ZBTB38: variants seen among roughly 807,000 people sequenced by gnomAD.
ZBTB38 encodes zinc finger and BTB domain-containing protein 38.
A neutral mutation model predicts 76.8 loss-of-function variants in ZBTB38; 20 were observed. The observed-to-expected ratio is 0.26, with a 90% CI of 0.18 to 0.38. The LOEUF (loss-of-function observed/expected upper bound fraction) is 0.38, where lower values mean the gene tolerates loss of function less well. ZBTB38 is among the 10% of genes least tolerant of loss of function. The pLI is 1.00. For synonymous variants in ZBTB38, 504 were observed against 544.2 expected, an observed-to-expected ratio of 0.93 and a Z score of 1.03; for missense variants, 1,082 against 1,482.3, an observed-to-expected ratio of 0.73 and a Z score of 4.43.
At chr3:141,437,020 A>G (rs953290610) in intron 5 of ZBTB38, among the ~76,000 whole-genome samples, 1 of 152,118 alleles carries the variant, frequency 6.6e-6, no homozygotes, top group African/African-American at 2.4e-5. Context: ...AGATCATCCA[A>G]TGAGCTGGAT....
chr3:141,432,627 C>T (rs2077872185), intron 5 of ZBTB38, among the ~76,000 whole-genome samples: 1 of 152,122 alleles, frequency 6.6e-6, no homozygotes, highest in South Asian at 2.1e-4. Flanking sequence ...CATTAGTTAA[C>T]AATTTAAAGA....
In ZBTB38 at chr3:141,445,206, A is replaced by T. The variant is rs750268674; in HGVS notation, c.2818A>T (p.Arg940Trp). 7 of 1,614,210 alleles carry T rather than the reference A, an allele frequency of 4.3e-6. No individual in the cohort carries two copies. Among genetic ancestry groups the T allele is most frequent in the South Asian group, 1.1e-5 (1 of 91,082 alleles). The change falls in exon 6 of 6, where the codon AGG becomes TGG. Residue 940 changes from arginine to tryptophan, a missense_variant. Arg to Trp is a moderately radical substitution (Grantham distance 101, BLOSUM62 -3). Around this residue, in one of 8 missense-constraint regions of ZBTB38, gnomAD observed 471 missense variants for 581.0 expected, o/e 0.81. Coordinates refer to ENST00000321464, the MANE Select transcript of ZBTB38 (RefSeq NM_001376113.1). This position sits in a 1 kb window ranked among gnomAD's most constrained non-coding sequence, Gnocchi z 6.5. ...GAAAAAAATGAGGAAAGTCAACTGG[A>T]GGAAGGAGCACGGAAACAGGAGCCC... ...QLKKMRKVNWRKEHGNRSPSH... is the reference protein window; with the variant it reads ...QLKKMRKVNWWKEHGNRSPSH...
At chr3:141,399,242 G>T (rs980323538) in intron 4 of ZBTB38, among the ~76,000 whole-genome samples, 2 of 152,122 alleles carry the variant, frequency 1.3e-5, no homozygotes, top group East Asian at 3.9e-4. Context: ...ATTGGTCGGG[G>T]TTGGGTAGCC....
chr3:141,395,506 A>G (rs1165019994), intron 4 of ZBTB38, among the ~76,000 whole-genome samples: 1 of 152,226 alleles, frequency 6.6e-6, no homozygotes, highest in Admixed American at 6.5e-5. Context: ...GTGGGTCAAG[A>G]CAAAACTGAA....
chr3:141,335,455 G>T (rs561813404), intron 1 of ZBTB38, among the ~76,000 whole-genome samples: 36 of 152,296 alleles, frequency 2.4e-4, no homozygotes, highest in African/African-American at 8.7e-4. Context: ...GAAAGCCTGG[G>T]CTTAGATGGC....
At chr3:141,425,630 A>G (rs1419988751) in intron 5 of ZBTB38, among the ~76,000 whole-genome samples, 1 of 152,224 alleles carries the variant, frequency 6.6e-6, no homozygotes, top group East Asian at 1.9e-4. Flanking sequence ...CCTGTACCCC[A>G]CACGTGGCAG....
chr3:141,384,218 G>T (rs1162498697), intron 3 of ZBTB38, among the ~76,000 whole-genome samples: 14 of 152,224 alleles, frequency 9.2e-5, no homozygotes, highest in Admixed American at 9.2e-4. Flanking sequence ...CCCCACAGGG[G>T]GTTTGGAAAC....
chr3:141,426,269 C>G (rs2076362746), intron 5 of ZBTB38: 1 of 1,083,456 alleles, frequency 9.2e-7, no homozygotes, highest in East Asian at 5.9e-5. Flanking sequence ...CTGCCCAGAC[C>G]CTGTCTCCCA....
intron 5 of ZBTB38, among the ~76,000 whole-genome samples, chr3:141,425,598 C>G (rs761331268): frequency 2.6e-5 from 4 of 152,192 alleles, no homozygotes; most frequent in Non-Finnish European, 5.9e-5. Flanking sequence ...TGGGCTGCCT[C>G]TCAGCCTACC....
chr3:141,344,646 T>C (rs1037453552), intron 1 of ZBTB38, among the ~76,000 whole-genome samples: 5 of 152,212 alleles, frequency 3.3e-5, no homozygotes, highest in African/African-American at 9.7e-5. Flanking sequence ...AGTGCTGAGA[T>C]TACAGGCTTG....
At chr3:141,398,527 C>A (rs954646623) in intron 4 of ZBTB38, among the ~76,000 whole-genome samples, 1 of 152,056 alleles carries the variant, frequency 6.6e-6, no homozygotes, top group African/African-American at 2.4e-5. Context: ...ATTAACATAA[C>A]CTTTTAAAAC....
At chr3:141,396,735 A>G (rs1048192789) in intron 4 of ZBTB38, among the ~76,000 whole-genome samples, 1 of 152,254 alleles carries the variant, frequency 6.6e-6, no homozygotes, top group African/African-American at 2.4e-5. Context: ...GCATGAAAAC[A>G]ACATTTATCT....
chr3:141,442,636 T>A lies in ZBTB38; in HGVS notation c.248T>A (p.Val83Glu). 6.2e-7 allele frequency: 1 copy of A among 1,614,200 alleles called. No homozygotes were observed. The highest frequency in any genetic ancestry group is 8.5e-7 in the Non-Finnish European group (1 of 1,180,020). The change falls in exon 6 of 6, where the codon GTG becomes GAG. Residue 83 changes from valine (V) to glutamate (E), a missense_variant. Transcript: ENST00000321464. This position sits in a 1 kb window ranked among gnomAD's most constrained non-coding sequence, Gnocchi z 6.4. ...VLELDDLKAEVFTEILNYIYS... is the reference protein window; with the variant it reads ...VLELDDLKAEEFTEILNYIYS... ...GAGCTGGACGATCTCAAAGCTGAAG[T>A]GTTTACTGAAATACTTAATTATATC...
chr3:141,443,668 C>A lies in ZBTB38; in HGVS notation c.1280C>A (p.Pro427His), dbSNP rs1445074147. Residue 427 changes from proline to histidine, a missense_variant, in exon 6 of 6, where the codon CCT becomes CAT. Around this residue, in one of 8 missense-constraint regions of ZBTB38, gnomAD observed 324 missense variants for 359.1 expected, o/e 0.90. Transcript: ENST00000321464. The surrounding 1 kb of genome is among the most constrained non-coding windows in gnomAD (Gnocchi z 5.6). Reference protein sequence around the residue: ...QNGGSFTGPEPLLSENRIGEF... With the variant: ...QNGGSFTGPEHLLSENRIGEF... ...GGAGGTTCATTCACAGGTCCAGAAC[C>A]TTTATTATCTGAAAATAGGATTGGT... is the stretch of plus-strand genomic sequence containing the variant. The A allele has an allele frequency of 1.2e-6, 2 of 1,614,174 alleles. No individual in the cohort carries two copies. Among genetic ancestry groups the A allele is most frequent in the Middle Eastern group, 1.6e-4 (1 of 6,062 alleles).
At chr3:141,378,372 A>ATG (rs1945701363) in intron 2 of ZBTB38, among the ~76,000 whole-genome samples, 2 of 152,110 alleles carry the variant, frequency 1.3e-5, no homozygotes, top group Non-Finnish European at 2.9e-5. Flanking sequence ...ACACACACAC[A>ATG]CACACAGAGT....
intron 1 of ZBTB38, among the ~76,000 whole-genome samples, chr3:141,340,603 T>G (rs558279661): frequency 1.3e-5 from 2 of 151,670 alleles, no homozygotes; most frequent in African/African-American, 4.8e-5. Flanking sequence ...CCAAAGAAAA[T>G]ATACAAGTGG....
At chr3:141,333,603 G>A (rs1272003229) in intron 1 of ZBTB38, among the ~76,000 whole-genome samples, 1 of 152,146 alleles carries the variant, frequency 6.6e-6, no homozygotes, top group East Asian at 1.9e-4. Flanking sequence ...AGCACCAACA[G>A]GGCTGGCTGC....
chr3:141,421,082 T>C lies in ZBTB38; in HGVS notation c.-1+17051T>C, dbSNP rs375043849. ...ATTATTGAGCACTTACTACTTGCTATGTACTTGCTGAGTGCTCATATACTC... is the reference window on the plus strand; with the variant it reads ...ATTATTGAGCACTTACTACTTGCTACGTACTTGCTGAGTGCTCATATACTC... On this transcript the variant is annotated intron_variant, in intron 5 of 5. Coordinates refer to ENST00000321464, the MANE Select transcript of ZBTB38 (RefSeq NM_001376113.1). Among the ~76,000 whole-genome samples, 129 of 152,098 alleles carry C rather than the reference T, an allele frequency of 8.5e-4. 2 individuals carry two copies. The highest frequency in any genetic ancestry group is 3.1e-3 in the African/African-American group (129 of 41,498).
chr3:141,401,188 C>T (rs1013886785), intron 4 of ZBTB38, among the ~76,000 whole-genome samples: 4 of 152,064 alleles, frequency 2.6e-5, no homozygotes, highest in Non-Finnish European at 4.4e-5. Context: ...AAAAACATTG[C>T]AGGTTTTTGT....
Sources: allele counts gnomAD v4.1 joint callset (sites outside exome capture counted in the v4.1 genomes callset), GRCh38; gene constraint gnomAD v4.1.1; regional missense constraint gnomAD v4.1.1; non-coding constraint Gnocchi (gnomAD v3.1); transcripts MANE v1.5; gene names NCBI Gene and HGNC (gene_info 2026-07-23, HGNC 2026-07-21).